The following FBXO30 variants were observed in gnomAD, a reference collection of about 807,000 sequenced individuals.
FBXO30 encodes F-box only protein 30.
FBXO30 carries 21 observed loss-of-function variants against 58.1 expected under a neutral mutation model. That is an observed-to-expected ratio of 0.36 (90% CI 0.26 to 0.52). The LOEUF is 0.52. Among genes scored for constraint, FBXO30 ranks in the 20% least tolerant of loss-of-function variants. The probability of loss-of-function intolerance (pLI) is 0.93; values close to 1 mark genes in which losing one functional copy is unlikely to be tolerated. For synonymous variants in FBXO30, 309 were observed against 312.4 expected (o/e 0.99, Z 0.11); for missense variants, 744 against 897.3 (o/e 0.83, Z 2.18).
In FBXO30 at chr6:145,805,923, A is replaced by T. The variant is rs376465635; in HGVS notation, c.483T>A (p.Ser161Arg). The change falls in exon 2 of 3, where the codon AGT becomes AGA. Residue 161 changes from serine to arginine, a missense_variant. By Grantham distance (110) the Ser-to-Arg change is moderately radical. This residue lies in a region of FBXO30 where 135 missense variants were observed against 201.6 expected (regional missense o/e 0.67). Coordinates refer to ENST00000237281, the MANE Select transcript of FBXO30 (RefSeq NM_032145.5). The part of the protein sequence containing the change: ...KPREQISVKS[S>R]VPEIPHANGL... ...CATTAGCATGTGGTATTTCTGGGAC[A>T]CTTGATTTAACTGAGATTTGTTCTC... The T allele has an allele frequency of 6.2e-7, 1 of 1,613,892 alleles. No homozygotes were observed. The highest frequency in any genetic ancestry group is 1.3e-5 in the African/African-American group (1 of 74,908).
chr6:145,805,661 C>T lies in FBXO30; in HGVS notation c.745G>A (p.Gly249Arg). ...LYEEEIGAVG[G>R]IDYNDTNQNA... ...TGATTTGTGTCATTGTAGTCAATTC[C>T]ACCTACTGCTCCTATTTCCTCCTCA... The change falls in exon 2 of 3, where the codon GGA (glycine) becomes AGA (arginine). Residue 249 changes from glycine (G) to arginine (R), a missense_variant. This residue lies in a region of FBXO30 where 275 missense variants were observed against 262.0 expected (regional missense o/e 1.05). Transcript: ENST00000237281. The T allele has an allele frequency of 6.2e-7, 1 of 1,614,030 alleles. No homozygotes were observed. The highest frequency in any genetic ancestry group is 2.2e-5 in the East Asian group (1 of 44,874).
intron 2 of FBXO30, 72 bp downstream of exon 2, chr6:145,804,300 A>T: frequency 2.3e-6 from 3 of 1,290,820 alleles, no homozygotes; most frequent in South Asian, 1.5e-5. Flanking sequence ...ACAAGATATT[A>T]ATTGTATTAA....
Position 145,805,199 on chromosome 6 carries a change from C to T in FBXO30, c.1207G>A (p.Asp403Asn). The part of the protein sequence containing the change: ...SNSCWSKPKE[D>N]KAVDTSDLEV... ...AAATCTGATGTATCTACTGCTTTAT[C>T]TTCCTTTGGTTTAGACCAACATGAA... Residue 403 changes from aspartate to asparagine, a missense_variant, in exon 2 of 3, where the codon GAT becomes AAT. Physicochemically the swap from Asp to Asn is conservative, Grantham distance 23. Coordinates refer to ENST00000237281, the MANE Select transcript of FBXO30 (RefSeq NM_032145.5). 6.2e-7 allele frequency: 1 copy of T among 1,614,068 alleles called. No homozygotes were observed. Among genetic ancestry groups the T allele is most frequent in the South Asian group, 1.1e-5 (1 of 91,082 alleles).
Position 145,795,052 on chromosome 6 carries a change from C to A in FBXO30, c.*5054G>T, listed in dbSNP as rs1281950203. On this transcript the variant is annotated 3_prime_UTR_variant, in exon 3 of 3. Transcript: ENST00000237281. Reference sequence around the variant, plus strand: ...CAAATTGTTACTGTTCTTATGTCATCAGACTTTAAAACTACTAAATACTAA... The same window carrying A: ...CAAATTGTTACTGTTCTTATGTCATAAGACTTTAAAACTACTAAATACTAA... The A allele has an allele frequency of 6.6e-6, 1 of 151,596 alleles. No homozygotes were observed. Among genetic ancestry groups the A allele is most frequent in the Non-Finnish European group, 1.5e-5 (1 of 67,720 alleles). The allele number at this position is 151,596 out of a possible 1,614,324, so 9.4% of individuals were successfully genotyped here. A position where few individuals can be genotyped will look rare whatever the true frequency, so the allele number is the denominator to read the frequency against.
chr6:145,812,637 C>A (rs531588530), intron 1 of FBXO30, among the ~76,000 whole-genome samples: 1 of 152,210 alleles, frequency 6.6e-6, no homozygotes, highest in African/African-American at 2.4e-5. Context: ...GCACAACAGC[C>A]ACACTTATAT....
In FBXO30 at chr6:145,798,031, AATTAAGGTTCACTAGT is replaced by A. The variant is rs1777899518; in HGVS notation, c.*2059_*2074del. On this transcript the variant is annotated 3_prime_UTR_variant, in exon 3 of 3. Transcript: ENST00000237281. ...TAATGCGTGTCTCAAATTTTAAAAA[AATTAAGGTTCACTAGT>A]AAAACATGGGTGAGTAATGATGATA... 6.6e-6 allele frequency: 1 copy of A among 152,062 alleles called. No homozygotes were observed. Among genetic ancestry groups the A allele is most frequent in the African/African-American group, 2.4e-5 (1 of 41,432 alleles). The allele number at this position is 152,062 out of a possible 1,614,324, so 9.4% of individuals were successfully genotyped here.
rs1460091531 is a variant in FBXO30 at position 145,796,146 on chromosome 6, T to C, written c.*3960A>G. 1.3e-5 allele frequency: 2 copies of C among 152,006 alleles called. No homozygotes were observed. The highest frequency in any genetic ancestry group is 4.8e-5 in the African/African-American group (2 of 41,432). 9.4% of individuals were successfully genotyped at this position (152,006 alleles called of 1,614,324 possible). On this transcript the variant is annotated 3_prime_UTR_variant, in exon 3 of 3. Coordinates refer to ENST00000237281, the MANE Select transcript of FBXO30 (RefSeq NM_032145.5). ...TCACTGCCTAAATTTTGAGTACCTA[T>C]TTTCTCATCCATAAAATTCAAATTT...
intron 2 of FBXO30, among the ~76,000 whole-genome samples, chr6:145,803,586 A>G (rs1040772290): frequency 2.6e-5 from 4 of 152,190 alleles, no homozygotes; most frequent in African/African-American, 9.6e-5. Flanking sequence ...TCAATCAAAG[A>G]TATCTGTAAT....
rs1778166948 is a variant in FBXO30, at chr6:145,806,344, C to T, written c.62G>A (p.Arg21Lys). ...ATCACAGGAAATCCCTGGCTCTGGCCTGGTCATGCACCGTCTACTGACACA... is the reference window on the plus strand; with the variant it reads ...ATCACAGGAAATCCCTGGCTCTGGCTTGGTCATGCACCGTCTACTGACACA... ...VNCVSRRCMT[R>K]PEPGISCDLI... The change falls in exon 2 of 3, where the codon AGG becomes AAG. Residue 21 changes from arginine to lysine, a missense_variant. Physicochemically the swap from Arg to Lys is conservative, Grantham distance 26. Coordinates refer to ENST00000237281, the MANE Select transcript of FBXO30 (RefSeq NM_032145.5). The T allele has an allele frequency of 6.2e-7, 1 of 1,613,820 alleles. No homozygotes were observed. The highest frequency in any genetic ancestry group is 1.3e-5 in the African/African-American group (1 of 74,898).
chr6:145,794,623 T>A lies in FBXO30; in HGVS notation c.*5483A>T, dbSNP rs1050667608. On this transcript the variant is annotated 3_prime_UTR_variant, in exon 3 of 3. Transcript: ENST00000237281. ...AAGTCATCAATTGATATAAAAGACA[T>A]CCAGTTGACATAATCATTCATTGGG... 1 of 151,806 alleles carries A rather than the reference T, an allele frequency of 6.6e-6. No homozygotes were observed. The highest frequency in any genetic ancestry group is 2.4e-5 in the African/African-American group (1 of 41,392). The allele number at this position is 151,806 out of a possible 1,614,324, so 9.4% of individuals were successfully genotyped here.
chr6:145,804,618 T>C lies in FBXO30; in HGVS notation c.1788A>G (p.Val596=). 6.2e-7 allele frequency: 1 copy of C among 1,613,814 alleles called. No individual in the cohort carries two copies. Among genetic ancestry groups the C allele is most frequent in the Non-Finnish European group, 8.5e-7 (1 of 1,179,846 alleles). ...CACAGTTTCTAGCAGGCTCCACTAATACTGTAGATACACATGGCTGAACTC... is the reference window on the plus strand; with the variant it reads ...CACAGTTTCTAGCAGGCTCCACTAACACTGTAGATACACATGGCTGAACTC... ...SFGVQPCVST[V]LVEPARNCVL... The change falls in exon 2 of 3, where the codon GTA becomes GTG. Residue 596 remains valine (V), a synonymous_variant. Coordinates refer to ENST00000237281, the MANE Select transcript of FBXO30 (RefSeq NM_032145.5).
rs1453942308 is a variant in FBXO30 at position 145,798,081 on chromosome 6, C to G, written c.*2025G>C. On this transcript the variant is annotated 3_prime_UTR_variant, in exon 3 of 3. Coordinates refer to ENST00000237281, the MANE Select transcript of FBXO30 (RefSeq NM_032145.5). ...GGTGAGTAATGATGATAATCAACAA[C>G]TACCATAACATGCAGAAAATCCACA... 6.6e-6 allele frequency: 1 copy of G among 151,986 alleles called. No individual in the cohort carries two copies. Among genetic ancestry groups the G allele is most frequent in the Non-Finnish European group, 1.5e-5 (1 of 67,954 alleles). 9.4% of individuals were successfully genotyped at this position (151,986 alleles called of 1,614,324 possible). A position where few individuals can be genotyped will look rare whatever the true frequency, so the allele number is the denominator to read the frequency against.
intron 2 of FBXO30, among the ~76,000 whole-genome samples, chr6:145,801,265 T>C (rs1777988130): frequency 6.6e-6 from 1 of 152,100 alleles, no homozygotes; most frequent in Non-Finnish European, 1.5e-5. Flanking sequence ...TTTACACACG[T>C]TGAACTGCAG....
In FBXO30 at chr6:145,795,752, C is replaced by T. The variant is rs1777856847; in HGVS notation, c.*4354G>A. ...TGAAATGTGCTAAGGTAACAAAGCA[C>T]CTCAAGATGTATCGCCATTAATACA... is the stretch of plus-strand genomic sequence containing the variant. On this transcript the variant is annotated 3_prime_UTR_variant, in exon 3 of 3. Transcript: ENST00000237281. The T allele has an allele frequency of 6.6e-6, 1 of 151,848 alleles. No individual in the cohort carries two copies. The highest frequency in any genetic ancestry group is 1.5e-5 in the Non-Finnish European group (1 of 67,820). 9.4% of individuals were successfully genotyped at this position (151,848 alleles called of 1,614,324 possible).
rs1778127122 is a variant in FBXO30, at chr6:145,805,224, A to G, written c.1182T>C (p.Asn394=). ...SHAPSFNFLS[N]SCWSKPKEDK... ...CTTCCTTTGGTTTAGACCAACATGA[A>G]TTAGAAAGAAAATTGAATGAAGGAG... is the stretch of plus-strand genomic sequence containing the variant. Residue 394 remains asparagine (N), a synonymous_variant, in exon 2 of 3, where the codon AAT becomes AAC. Coordinates refer to ENST00000237281, the MANE Select transcript of FBXO30 (RefSeq NM_032145.5). 1 of 1,614,044 alleles carries G rather than the reference A, an allele frequency of 6.2e-7. No homozygotes were observed. Among genetic ancestry groups the G allele is most frequent in the Non-Finnish European group, 8.5e-7 (1 of 1,179,944 alleles).
rs1778124803 is a variant in FBXO30 at position 145,805,158 on chromosome 6, ATCT to A, written c.1245_1247del (p.Glu415del). The A allele has an allele frequency of 2.5e-6, 4 of 1,614,100 alleles. No individual in the cohort carries two copies. The highest frequency in any genetic ancestry group is 2.5e-6 in the Non-Finnish European group (3 of 1,179,974). The stretch of plus-strand genomic sequence containing the variant: ...GATCTATTCCTTGGAGGCCCATAGG[ATCT>A]TCTGCAACTTCCAAATCTGATGTAT... On this transcript the variant is annotated inframe_deletion, in exon 2 of 3. Coordinates refer to ENST00000237281, the MANE Select transcript of FBXO30 (RefSeq NM_032145.5).
At chr6:145,814,385 G>T (rs573701377) in intron 1 of FBXO30, among the ~76,000 whole-genome samples, 1 of 152,074 alleles carries the variant, frequency 6.6e-6, no homozygotes, top group South Asian at 2.1e-4. Flanking sequence ...ACACGAGCGC[G>T]GCGGACGCCC....
rs968394562 is a variant in FBXO30, at chr6:145,798,286, A to G, written c.*1820T>C. 5.9e-5 allele frequency: 9 copies of G among 152,080 alleles called. No individual in the cohort carries two copies. The highest frequency in any genetic ancestry group is 2.2e-4 in the African/African-American group (9 of 41,438). The allele number at this position is 152,080 out of a possible 1,614,324, so 9.4% of individuals were successfully genotyped here. ...TGGTATGGTGGCATAACAATAACAA[A>G]AAAGAGAACAGCAAAATGTGTAAAA... On this transcript the variant is annotated 3_prime_UTR_variant, in exon 3 of 3. Transcript: ENST00000237281.
rs1777888670 is a variant in FBXO30, at chr6:145,797,555, A to G, written c.*2551T>C. ...TCCTGATTCACTAAGTCTGGAGAGA[A>G]GCCTAATAATCTGCATTTCTAACAA... On this transcript the variant is annotated 3_prime_UTR_variant, in exon 3 of 3. Coordinates refer to ENST00000237281, the MANE Select transcript of FBXO30 (RefSeq NM_032145.5). 1 of 152,052 alleles carries G rather than the reference A, an allele frequency of 6.6e-6. No homozygotes were observed. The highest frequency in any genetic ancestry group is 1.5e-5 in the Non-Finnish European group (1 of 67,944). The allele number at this position is 152,052 out of a possible 1,614,324, so 9.4% of individuals were successfully genotyped here.
Sources: gnomAD v4.1 joint callset for allele counts (sites outside exome capture counted in the v4.1 genomes callset) on GRCh38, gnomAD v4.1.1 for gene constraint, gnomAD v4.1.1 regional missense constraint, MANE v1.5 for transcripts, NCBI Gene and HGNC (gene_info 2026-07-23, HGNC 2026-07-21) for gene names.